Variants in COL6A1 observed in about 807,000 individuals in gnomAD.
COL6A1 encodes the protein collagen type VI alpha 1 chain, also known as collagen alpha-1(VI) chain.
COL6A1 carries 80 observed loss-of-function variants against 145.6 expected under a neutral mutation model. That is an observed-to-expected ratio of 0.55 (90% CI 0.46 to 0.66). The LOEUF is 0.66. COL6A1 is among the 30% of genes least tolerant of loss of function. COL6A1 has a pLI of 0.00. For synonymous variants in COL6A1, 638 were observed against 622.8 expected, an observed-to-expected ratio of 1.02 and a Z score of -0.36; for missense variants, 1,364 against 1,473.8, an observed-to-expected ratio of 0.93 and a Z score of 1.22.
intron 29 of COL6A1, chr21:46,001,031 C>T (rs1603593911): frequency 1.4e-5 from 10 of 716,792 alleles, no homozygotes; most frequent in Middle Eastern, 3.9e-4. Flanking sequence ...CCCACAGGCC[C>T]CACCCTAGCC....
chr21:45,991,146 C>A, intron 15 of COL6A1, 105 bp downstream of exon 15: 1 of 1,287,452 alleles, frequency 7.8e-7, no homozygotes, highest in Non-Finnish European at 1.1e-6. Context: ...ATGTCGGCCA[C>A]CCGTGCGGCC....
chr21:45,986,786 G>T, intron 4 of COL6A1, 101 bp downstream of exon 4: 1 of 1,514,810 alleles, frequency 6.6e-7, no homozygotes, highest in South Asian at 1.2e-5. Context: ...GGGAGGGTGT[G>T]GGTTCTCCAG....
intron 27 of COL6A1, 106 bp downstream of exon 27, chr21:45,999,798 G>A (rs1176717312): frequency 2.1e-6 from 2 of 937,214 alleles, no homozygotes; most frequent in Admixed American, 2.1e-5. Context: ...CTCACGGGGG[G>A]GTGGGTTGTG....
intron 2 of COL6A1, among the ~76,000 whole-genome samples, chr21:45,983,399 G>T (rs2077719532): frequency 1.3e-5 from 2 of 152,024 alleles, no homozygotes; most frequent in Non-Finnish European, 1.5e-5. Flanking sequence ...CCGCTGAGGG[G>T]GGGGCATGTA....
At chr21:45,985,049 AAGACAGTCAG>A (rs1203102715) in intron 3 of COL6A1, among the ~76,000 whole-genome samples, 23 of 145,152 alleles carry the variant, frequency 1.6e-4, no homozygotes, top group African/African-American at 5.4e-4. Flanking sequence ...CAGAGAAACA[AAGACAGTCAG>A]AGACAGACAG....
chr21:45,996,579 T>G (rs11701952), intron 20 of COL6A1, among the ~76,000 whole-genome samples: 3 of 152,304 alleles, frequency 2.0e-5, no homozygotes, highest in South Asian at 2.1e-4. Flanking sequence ...GACAGGCGTC[T>G]GAGCAGGCAC....
intron 20 of COL6A1, among the ~76,000 whole-genome samples, chr21:45,996,231 C>A (rs545244554): frequency 2.4e-4 from 36 of 152,332 alleles, no homozygotes; most frequent in Admixed American, 9.8e-4. Context: ...TTTTCGTGTT[C>A]CCAAGGCAGG....
intron 3 of COL6A1, among the ~76,000 whole-genome samples, chr21:45,985,069 G>A (rs2077730868): frequency 6.6e-6 from 1 of 151,968 alleles, no homozygotes; most frequent in Admixed American, 6.6e-5. Context: ...GAGACAGACA[G>A]AGACAGAGAC....
At chr21:45,992,679 C>T in intron 18 of COL6A1, 69 bp from the exon 19 acceptor site, 1 of 1,483,810 alleles carries the variant, frequency 6.7e-7, no homozygotes, top group Non-Finnish European at 9.2e-7. Flanking sequence ...GGCCAGGCCT[C>T]AAGCCCCACC....
intron 1 of COL6A1, among the ~76,000 whole-genome samples, chr21:45,982,289 G>GC (rs1447643831): frequency 7.0e-6 from 1 of 142,922 alleles, no homozygotes; most frequent in Admixed American, 7.0e-5. Flanking sequence ...CGGCCCCCCC[G>GC]ACCCCCGTTC....
chr21:46,001,522 C>A (rs1412743635), intron 30 of COL6A1, 136 bp downstream of exon 30: 9 of 1,234,912 alleles, frequency 7.3e-6, no homozygotes, highest in South Asian at 1.3e-5. Flanking sequence ...GACAAGGATG[C>A]CAGGCACGCG....
chr21:45,997,941 TCCTGCC>T (rs918352979), intron 22 of COL6A1, among the ~76,000 whole-genome samples, 174 bp from the exon 23 acceptor site: 3 of 151,264 alleles, frequency 2.0e-5, no homozygotes, highest in African/African-American at 4.8e-5. Context: ...GCAGGGCCCC[TCCTGCC>T]CCGAGATCCG....
chr21:45,985,788 A>G (rs1023289753), intron 3 of COL6A1, among the ~76,000 whole-genome samples: 3 of 152,168 alleles, frequency 2.0e-5, no homozygotes, highest in Non-Finnish European at 4.4e-5. Flanking sequence ...TGTGGGCCGG[A>G]CATTCCCTTT....
rs1300015385 is a variant in COL6A1 at position 45,984,418 on chromosome 21, G to T, written c.377G>T (p.Gly126Val). ...GACGCGGTCAAGTACTTTGGGAAGGGCACCTACACCGACTGCGCTATCAAG... is the reference window on the plus strand; with the variant it reads ...GACGCGGTCAAGTACTTTGGGAAGGTCACCTACACCGACTGCGCTATCAAG... Reference protein sequence around the residue: ...SVDAVKYFGKGTYTDCAIKKG... With the variant: ...SVDAVKYFGKVTYTDCAIKKG... Residue 126 changes from glycine (G) to valine (V), a missense_variant, in exon 3 of 35, where the codon GGC becomes GTC. Gly to Val is a moderately radical substitution (Grantham distance 109). Around this residue, in one of 3 missense-constraint regions of COL6A1, gnomAD observed 414 missense variants for 437.6 expected, o/e 0.95. Transcript: ENST00000361866. The T allele has an allele frequency of 6.2e-7, 1 of 1,612,468 alleles. No individual in the cohort carries two copies.
chr21:45,984,377 A>C lies in COL6A1; in HGVS notation c.336A>C (p.Ala112=), dbSNP rs529681137. The change falls in exon 3 of 35, where the codon GCA becomes GCC. Residue 112 remains alanine, a synonymous_variant. Transcript: ENST00000361866. ...GLTRMPGGRD[A]LKSSVDAVKY... is the part of the protein sequence containing the mutation. ...CGCGCATGCCTGGCGGCCGCGACGC[A>C]CTCAAAAGCAGCGTGGACGCGGTCA... The C allele has an allele frequency of 6.8e-6, 11 of 1,612,746 alleles. No homozygotes were observed. The East Asian group carries it at 2.5e-4, about 36-fold the overall frequency.
In COL6A1 at chr21:45,998,425, G is replaced by C. The variant is rs764556767; in HGVS notation, c.1603G>C (p.Gly535Arg). 6.2e-7 allele frequency: 1 copy of C among 1,613,282 alleles called. No individual in the cohort carries two copies. Residue 535 changes from glycine to arginine, a missense_variant, in exon 24 of 35, where the codon GGG (glycine) becomes CGG (arginine). Physicochemically the swap from Gly to Arg is moderately radical, Grantham distance 125. Transcript: ENST00000361866. ...GTATCCGGGCAACAGGGGCGCTCCC[G>C]GGATAAACGTGAGTACGCCCCCTCC... Reference protein sequence around the residue: ...PGYPGNRGAPGINGTKGYPGL... With the variant: ...PGYPGNRGAPRINGTKGYPGL...
chr21:45,989,909 C>A, intron 11 of COL6A1, 131 bp downstream of exon 11: 1 of 1,210,556 alleles, frequency 8.3e-7, no homozygotes, highest in South Asian at 1.3e-5. Context: ...CTCCACCGCC[C>A]CTCGCCGTCC....
chr21:46,001,074 G>C lies in COL6A1; in HGVS notation c.1823-179G>C, dbSNP rs1041994162. On this transcript the variant is annotated intron_variant, in intron 29 of 34. Coordinates refer to ENST00000361866, the MANE Select transcript of COL6A1 (RefSeq NM_001848.3). ...GCAACGCCAGCCCTGACCAGCCGCC[G>C]GACAGAGCAGCCTTTACGGGGCCAT... is the stretch of plus-strand genomic sequence containing the variant. The C allele has an allele frequency of 1.3e-5, 12 of 914,190 alleles. No homozygotes were observed. In the East Asian group the frequency reaches 2.1e-4, roughly 16 times the overall value. 56.6% of individuals were successfully genotyped at this position (914,190 alleles called of 1,614,324 possible).
rs374784450 is a variant in COL6A1 at position 45,997,407 on chromosome 21, C to G, written c.1399-14C>G. ...AGGCCTGTGGTCCAACGTGCCATAT[C>G]CATCTCTCTACAGGGCGAGGCTGGC... On this transcript the variant is annotated splice_polypyrimidine_tract_variant and intron_variant, in intron 20 of 34. Transcript: ENST00000361866. The G allele has an allele frequency of 1.2e-4, 194 of 1,612,530 alleles. 1 individual carries two copies. Among genetic ancestry groups the G allele is most frequent in the Non-Finnish European group, 1.6e-4 (186 of 1,179,566 alleles).
Sources: allele counts gnomAD v4.1 joint callset (sites outside exome capture counted in the v4.1 genomes callset), GRCh38; gene constraint gnomAD v4.1.1; regional missense constraint gnomAD v4.1.1; transcripts MANE v1.5; gene names NCBI Gene and HGNC (gene_info 2026-07-23, HGNC 2026-07-21).